The following STK24 variants were observed in gnomAD, a reference collection of about 807,000 sequenced individuals.
The protein encoded by STK24 is serine/threonine kinase 24, also known as serine/threonine-protein kinase 24.
STK24 carries 21 observed loss-of-function variants against 55.6 expected under a neutral mutation model. The observed-to-expected ratio is 0.38, with a 90% CI of 0.27 to 0.54. The LOEUF (loss-of-function observed/expected upper bound fraction) is 0.54, where lower values mean the gene tolerates loss of function less well. Ranked by LOEUF, STK24 falls within the 20% of genes least tolerant of loss-of-function variation. The pLI is 0.79. For synonymous variants in STK24, 200 were observed against 215.2 expected (o/e 0.93, Z 0.62); for missense variants, 383 against 538.4 (o/e 0.71, Z 2.86).
chr13:98,453,459 A>T, intron 10 of STK24: 1 of 497,074 alleles, frequency 2.0e-6, no homozygotes, highest in Non-Finnish European at 3.5e-6. Flanking sequence ...CCCTGGAGAG[A>T]TGTGAATAAA....
chr13:98,478,224 G>GA, intron 3 of STK24, among the ~76,000 whole-genome samples: 1 of 152,136 alleles, frequency 6.6e-6, no homozygotes, highest in African/African-American at 2.4e-5. Context: ...TAGGACCCAG[G>GA]AAAAAAACCT....
At chr13:98,475,678 G>A (rs1380922094) in intron 3 of STK24, among the ~76,000 whole-genome samples, 2 of 151,744 alleles carry the variant, frequency 1.3e-5, no homozygotes, top group Non-Finnish European at 1.5e-5. Flanking sequence ...GGGGCGGGGC[G>A]CAGGCTGAGC....
intron 1 of STK24, among the ~76,000 whole-genome samples, chr13:98,558,936 A>G (rs187063713): frequency 7.0e-6 from 1 of 143,822 alleles, no homozygotes; most frequent in East Asian, 2.1e-4. Context: ...AGGCTGAGGC[A>G]GGCGGATCAC....
chr13:98,522,356 G>A (rs569796584), intron 1 of STK24, among the ~76,000 whole-genome samples: 3 of 152,134 alleles, frequency 2.0e-5, no homozygotes, highest in Non-Finnish European at 4.4e-5. Context: ...AAACCTGCCC[G>A]AACAGAACCA....
intron 1 of STK24, among the ~76,000 whole-genome samples, chr13:98,533,166 G>A (rs1258824808): frequency 6.6e-6 from 1 of 151,810 alleles, no homozygotes; most frequent in Non-Finnish European, 1.5e-5. Context: ...ATCACTTGAG[G>A]CCAGGAGTTC....
intron 1 of STK24, among the ~76,000 whole-genome samples, chr13:98,554,080 A>T (rs1227521840): frequency 6.6e-6 from 1 of 151,832 alleles, no homozygotes; most frequent in Admixed American, 6.6e-5. Flanking sequence ...AAAAAAAAAA[A>T]AAAGGAAGGA....
chr13:98,534,132 A>C (rs1259839491), intron 1 of STK24, among the ~76,000 whole-genome samples: 1 of 152,112 alleles, frequency 6.6e-6, no homozygotes, highest in East Asian at 1.9e-4. Flanking sequence ...CATGGTCACA[A>C]AGCTCCAGCA....
chr13:98,524,193 T>C (rs1896352718), intron 1 of STK24, among the ~76,000 whole-genome samples: 1 of 152,014 alleles, frequency 6.6e-6, no homozygotes, highest in African/African-American at 2.4e-5. Flanking sequence ...TGTGGATTGT[T>C]ACAATAATGG....
At chr13:98,464,721 TC>T (rs1184541094) in intron 6 of STK24, among the ~76,000 whole-genome samples, 8 of 151,930 alleles carry the variant, frequency 5.3e-5, no homozygotes, top group Non-Finnish European at 1.2e-4. Context: ...GGTCTTGAAC[TC>T]CTGACCTCAG....
intron 1 of STK24, among the ~76,000 whole-genome samples, chr13:98,550,147 A>G (rs1442211756): frequency 6.6e-6 from 1 of 152,230 alleles, no homozygotes; most frequent in African/African-American, 2.4e-5. Flanking sequence ...AAAGATTTTC[A>G]TCCTAGTTCA....
At chr13:98,575,475 G>A (rs890017723) in intron 1 of STK24, among the ~76,000 whole-genome samples, 1 of 151,846 alleles carries the variant, frequency 6.6e-6, no homozygotes, top group African/African-American at 2.4e-5. Flanking sequence ...TGCCATTAAA[G>A]TGGTAACTTT....
chr13:98,558,801 A>G (rs1198157335), intron 1 of STK24, among the ~76,000 whole-genome samples: 5 of 152,140 alleles, frequency 3.3e-5, no homozygotes, highest in Non-Finnish European at 7.4e-5. Flanking sequence ...TATTTCTTAC[A>G]ATTGAAAAAC....
intron 1 of STK24, among the ~76,000 whole-genome samples, chr13:98,533,557 G>C (rs1204250303): frequency 2.7e-5 from 4 of 148,080 alleles, no homozygotes; most frequent in Admixed American, 6.7e-5. Flanking sequence ...GGCTGAGGTG[G>C]GAGAATCACT....
rs1892939925 is a variant in STK24 at position 98,447,748 on chromosome 13, C to G, written c.*5425G>C. 6.3e-6 allele frequency: 1 copy of G among 157,504 alleles called. No homozygotes were observed. The highest frequency in any genetic ancestry group is 1.9e-4 in the South Asian group (1 of 5,278). The allele number at this position is 157,504 out of a possible 1,614,324, so 9.8% of individuals were successfully genotyped here. A position where few individuals can be genotyped will look rare whatever the true frequency, so the allele number is the denominator to read the frequency against. On this transcript the variant is annotated 3_prime_UTR_variant, in exon 11 of 11. Coordinates refer to ENST00000539966, the MANE Select transcript of STK24 (RefSeq NM_001032296.4). Reference sequence around the variant, plus strand: ...CCTGTAGTCCCATCTCCTGGGAGGCCAAGGCTGGAGGATCGATTGAGCCCA... The same window carrying G: ...CCTGTAGTCCCATCTCCTGGGAGGCGAAGGCTGGAGGATCGATTGAGCCCA...
At chr13:98,502,732 C>T (rs373304281) in intron 2 of STK24, among the ~76,000 whole-genome samples, 4 of 152,266 alleles carry the variant, frequency 2.6e-5, no homozygotes. Flanking sequence ...TGTTCTTGGC[C>T]TTTTCAGCCT....
chr13:98,501,053 A>C (rs574122133), intron 2 of STK24, among the ~76,000 whole-genome samples: 1 of 152,238 alleles, frequency 6.6e-6, no homozygotes, highest in South Asian at 2.1e-4. Context: ...GGGGAAAAAA[A>C]GGGAAACCAC....
rs749155828 is a variant in STK24, at chr13:98,461,827, G to C, written c.1000C>G (p.Pro334Ala). ...DWIFTIREKD[P>A]KNLENGALQP... ...AGAGCTCCATTCTCGAGATTCTTGG[G>C]ATCTTTTTCTCGGATTGTGAAGATC... The change falls in exon 8 of 11, where the codon CCC becomes GCC. Residue 334 changes from proline (P) to alanine (A), a missense_variant. Transcript: ENST00000539966. 6.2e-7 allele frequency: 1 copy of C among 1,614,138 alleles called. No individual in the cohort carries two copies. Among genetic ancestry groups the C allele is most frequent in the South Asian group, 1.1e-5 (1 of 91,074 alleles).
chr13:98,511,464 A>G, intron 2 of STK24, among the ~76,000 whole-genome samples: 1 of 152,260 alleles, frequency 6.6e-6, no homozygotes, highest in Admixed American at 6.5e-5. Context: ...TGCTCTAGAA[A>G]AATGAAAAAC....
At chr13:98,512,989 T>C (rs750787489) in intron 2 of STK24, among the ~76,000 whole-genome samples, 4 of 152,238 alleles carry the variant, frequency 2.6e-5, no homozygotes, top group Non-Finnish European at 5.9e-5. Flanking sequence ...GCGAACCGGC[T>C]TCTGCAGCCC....
Sources: gnomAD v4.1 joint callset for allele counts (sites outside exome capture counted in the v4.1 genomes callset) on GRCh38, gnomAD v4.1.1 for gene constraint, MANE v1.5 for transcripts, NCBI Gene and HGNC (gene_info 2026-07-23, HGNC 2026-07-21) for gene names.